ADGRB1: variants seen among roughly 807,000 people sequenced by gnomAD.
The protein encoded by ADGRB1 is adhesion G protein-coupled receptor B1.
A neutral mutation model predicts 175.7 loss-of-function variants in ADGRB1; 36 were observed. The observed-to-expected ratio is 0.20, with a 90% CI of 0.16 to 0.27. The LOEUF is 0.27. Among genes scored for constraint, ADGRB1 ranks in the 10% least tolerant of loss-of-function variants. The probability of loss-of-function intolerance (pLI) is 1.00; values close to 1 mark genes in which losing one functional copy is unlikely to be tolerated. For synonymous variants in ADGRB1, 1,054 were observed against 979.4 expected (o/e 1.08, Z -1.42); for missense variants, 1,731 against 2,255.3 (o/e 0.77, Z 4.71).
chr8:142,484,792 C>T, intron 13 of ADGRB1, 28 bp downstream of exon 13: 1 of 1,522,114 alleles, frequency 6.6e-7, no homozygotes, highest in Non-Finnish European at 9.0e-7. Context: ...CTGCCACCCC[C>T]CATGCCTTGC....
intron 17 of ADGRB1, among the ~76,000 whole-genome samples, chr8:142,502,291 T>C (rs548083862): frequency 7.0e-6 from 1 of 143,544 alleles, no homozygotes; most frequent in East Asian, 2.1e-4. Flanking sequence ...TTGTGTGGTT[T>C]TGATTATGAC....
rs1358165119 is a variant in ADGRB1, at chr8:142,537,643, C to T, written c.3666+561C>T. Among the ~76,000 whole-genome samples, 1 of 152,112 alleles carries T rather than the reference C, an allele frequency of 6.6e-6. No homozygotes were observed. The highest frequency in any genetic ancestry group is 2.4e-5 in the African/African-American group (1 of 41,414). On this transcript the variant is annotated intron_variant, in intron 26 of 30. Coordinates refer to ENST00000517894, the MANE Select transcript of ADGRB1 (RefSeq NM_001702.3). The surrounding 1 kb of genome is among the most constrained non-coding windows in gnomAD (Gnocchi z 4.6). ...CCTTCACCCTCTCTGGGCTCTCTGC[C>T]CTCCCCCTGCCCATCCTGGTGTCCT...
chr8:142,506,893 G>A (rs1842877295), intron 17 of ADGRB1, among the ~76,000 whole-genome samples: 1 of 152,210 alleles, frequency 6.6e-6, no homozygotes, highest in South Asian at 2.1e-4. Flanking sequence ...GTAACTCCCA[G>A]GAAACCTGCA....
At chr8:142,538,518 C>T (rs530511168) in intron 26 of ADGRB1, among the ~76,000 whole-genome samples, 1 of 152,356 alleles carries the variant, frequency 6.6e-6, no homozygotes, top group East Asian at 1.9e-4. Flanking sequence ...CCTCTGATCC[C>T]AGGGGGAAGA....
intron 13 of ADGRB1, 53 bp downstream of exon 13, chr8:142,484,817 C>T: frequency 7.3e-7 from 1 of 1,363,072 alleles, no homozygotes; most frequent in South Asian, 1.3e-5. Flanking sequence ...CAGCCCTGGG[C>T]CAGGCCCTTC....
In ADGRB1 at chr8:142,537,218, C is replaced by A. The variant is rs551444344; in HGVS notation, c.3666+136C>A. The A allele has an allele frequency of 6.4e-5, 42 of 652,018 alleles. No homozygotes were observed. Among genetic ancestry groups the A allele is most frequent in the African/African-American group, 5.7e-4 (30 of 52,606 alleles). 40.4% of individuals were successfully genotyped at this position (652,018 alleles called of 1,614,324 possible). A position where few individuals can be genotyped will look rare whatever the true frequency, so the allele number is the denominator to read the frequency against. On this transcript the variant is annotated intron_variant, in intron 26 of 30. Coordinates refer to ENST00000517894, the MANE Select transcript of ADGRB1 (RefSeq NM_001702.3). This position sits in a 1 kb window ranked among gnomAD's most constrained non-coding sequence, Gnocchi z 4.6. Reference sequence around the variant, plus strand: ...TGAGAGGAGCTCTGAACCCAGTGTGCAGTTGGGGAAACTGAGGCTCGCCAA... The same window carrying A: ...TGAGAGGAGCTCTGAACCCAGTGTGAAGTTGGGGAAACTGAGGCTCGCCAA...
Position 142,492,358 on chromosome 8 carries a change from T to A in ADGRB1, c.2675+1543T>A, listed in dbSNP as rs1244409769. On this transcript the variant is annotated intron_variant, in intron 17 of 30. Transcript: ENST00000517894. The surrounding 1 kb of genome is among the most constrained non-coding windows in gnomAD (Gnocchi z 4.4). Reference sequence around the variant, plus strand: ...GCCTCCTCTCCCCAGTGAGGAGGGATGGGGAACAGGGACAGACGGAGCAGT... The same window carrying A: ...GCCTCCTCTCCCCAGTGAGGAGGGAAGGGGAACAGGGACAGACGGAGCAGT... 6.6e-5 allele frequency among the ~76,000 whole-genome samples: 10 copies of A among 151,838 alleles called. No homozygotes were observed. Among genetic ancestry groups the A allele is most frequent in the Admixed American group, 6.6e-4 (10 of 15,258 alleles).
At chr8:142,477,001 C>G in intron 4 of ADGRB1, 113 bp from the exon 5 acceptor site, 1 of 1,373,762 alleles carries the variant, frequency 7.3e-7, no homozygotes, top group Admixed American at 3.0e-5. Flanking sequence ...GGGCTCTGCC[C>G]CAGCCCCGCT....
rs1157886009 is a variant in ADGRB1 at position 142,542,384 on chromosome 8, C to T, written c.4150C>T (p.Pro1384Ser). 1 of 1,566,150 alleles carries T rather than the reference C, an allele frequency of 6.4e-7. No individual in the cohort carries two copies. Among genetic ancestry groups the T allele is most frequent in the Admixed American group, 1.9e-5 (1 of 52,842 alleles). Residue 1384 changes from proline to serine, a missense_variant, in exon 28 of 31, where the codon CCC becomes TCC. This residue lies in a region of ADGRB1 where 394 missense variants were observed against 410.2 expected (regional missense o/e 0.96). Coordinates refer to ENST00000517894, the MANE Select transcript of ADGRB1 (RefSeq NM_001702.3). The surrounding 1 kb of genome is among the most constrained non-coding windows in gnomAD (Gnocchi z 6.3). ...QTRLIHLSTA[P>S]EASLPARSPP... The stretch of plus-strand genomic sequence containing the variant: ...CCGCCTCATCCACCTCAGCACGGCC[C>T]CCGAGGCCAGCCTCCCCGCCCGCAG...
rs147357548 is a variant in ADGRB1 at position 142,499,317 on chromosome 8, G to T, written c.2675+8502G>T. On this transcript the variant is annotated intron_variant, in intron 17 of 30. Coordinates refer to ENST00000517894, the MANE Select transcript of ADGRB1 (RefSeq NM_001702.3). ...CGTGTCTTTAAAGCCAGGCTGCTGT[G>T]AGTATTACGGAACGAGAGTTGGGCT... 7.9e-5 allele frequency among the ~76,000 whole-genome samples: 12 copies of T among 152,344 alleles called. No homozygotes were observed. The South Asian group carries it at 1.5e-3, about 18-fold the overall frequency.
chr8:142,457,570 C>T (rs1248934388), intron 1 of ADGRB1, among the ~76,000 whole-genome samples: 1 of 151,914 alleles, frequency 6.6e-6, no homozygotes, highest in Non-Finnish European at 1.5e-5. Context: ...GCTGGCAGCC[C>T]TGCCCACCCT....
intron 17 of ADGRB1, among the ~76,000 whole-genome samples, chr8:142,502,402 G>GTGGTGGTGGTGGTGA (rs1842639565): frequency 7.3e-6 from 1 of 137,780 alleles, no homozygotes; most frequent in Non-Finnish European, 1.6e-5. Flanking sequence ...GGTGGTGATG[G>GTGGTGGTGGTGGTGA]TGGTGGTGGT....
In ADGRB1 at chr8:142,492,981, C is replaced by T. The variant is rs1242805147; in HGVS notation, c.2675+2166C>T. Among the ~76,000 whole-genome samples the T allele has an allele frequency of 6.6e-6, 1 of 152,080 alleles. No individual in the cohort carries two copies. Among genetic ancestry groups the T allele is most frequent in the Non-Finnish European group, 1.5e-5 (1 of 67,994 alleles). Reference sequence around the variant, plus strand: ...GCGCCCTGGTTCACTCAACCAGCCCCTGCTGGTGGCCTTCAGGAGCCTTCC... The same window carrying T: ...GCGCCCTGGTTCACTCAACCAGCCCTTGCTGGTGGCCTTCAGGAGCCTTCC... On this transcript the variant is annotated intron_variant, in intron 17 of 30. Coordinates refer to ENST00000517894, the MANE Select transcript of ADGRB1 (RefSeq NM_001702.3). This position sits in a 1 kb window ranked among gnomAD's most constrained non-coding sequence, Gnocchi z 4.4.
Position 142,537,099 on chromosome 8 carries a change from G to T in ADGRB1, c.3666+17G>T, listed in dbSNP as rs369010338. ...CAGCTCATGGTAGGACTCAGGGCCC[G>T]GGGACTCAGGCTGCCCTACCTGCCT... On this transcript the variant is annotated intron_variant, in intron 26 of 30. Transcript: ENST00000517894. The surrounding 1 kb of genome is among the most constrained non-coding windows in gnomAD (Gnocchi z 4.6). 1 of 1,468,356 alleles carries T rather than the reference G, an allele frequency of 6.8e-7. No individual in the cohort carries two copies. 91.0% of individuals were successfully genotyped at this position (1,468,356 alleles called of 1,614,324 possible). A position where few individuals can be genotyped will look rare whatever the true frequency, so the allele number is the denominator to read the frequency against.
intron 25 of ADGRB1, among the ~76,000 whole-genome samples, chr8:142,535,044 A>G (rs1253860616): frequency 6.6e-6 from 1 of 152,238 alleles, no homozygotes; most frequent in East Asian, 1.9e-4. Flanking sequence ...TAGCCTATGA[A>G]AAAGGAACAA....
intron 3 of ADGRB1, among the ~76,000 whole-genome samples, chr8:142,476,337 G>T (rs1366014260): frequency 6.6e-6 from 1 of 152,172 alleles, no homozygotes; most frequent in African/African-American, 2.4e-5. Context: ...TCCTGCAGGT[G>T]AACGCTGGCC....
intron 13 of ADGRB1, among the ~76,000 whole-genome samples, chr8:142,487,721 C>G (rs147074028): frequency 2.0e-5 from 3 of 152,184 alleles, no homozygotes; most frequent in Non-Finnish European, 2.9e-5. Flanking sequence ...CTCGTCCCCA[C>G]GTCCATTTGC....
chr8:142,520,559 G>A (rs1003812890), intron 19 of ADGRB1, among the ~76,000 whole-genome samples: 2 of 119,642 alleles, frequency 1.7e-5, no homozygotes, highest in African/African-American at 6.1e-5. Flanking sequence ...TGGTGATGAT[G>A]GTGATGGTGT....
intron 1 of ADGRB1, among the ~76,000 whole-genome samples, chr8:142,462,726 G>A (rs1029261055): frequency 1.3e-5 from 2 of 152,264 alleles, no homozygotes; most frequent in Non-Finnish European, 2.9e-5. Context: ...CCAGGAGGCC[G>A]GGTGGCCTGG....
Sources: allele counts gnomAD v4.1 joint callset (sites outside exome capture counted in the v4.1 genomes callset), GRCh38; gene constraint gnomAD v4.1.1; regional missense constraint gnomAD v4.1.1; non-coding constraint Gnocchi (gnomAD v3.1); transcripts MANE v1.5; gene names NCBI Gene and HGNC (gene_info 2026-07-23, HGNC 2026-07-21).